The following FAM186A variants were observed in gnomAD, a reference collection of about 807,000 sequenced individuals.
The protein encoded by FAM186A is protein FAM186A.
In FAM186A, 163 loss-of-function variants were observed where a neutral mutation model predicts 216.8. The ratio of observed to expected loss-of-function variants is 0.75; its 90% CI spans 0.66 to 0.86. The LOEUF (loss-of-function observed/expected upper bound fraction) is 0.86, where lower values mean the gene tolerates loss of function less well. Among genes scored for constraint, FAM186A ranks in the 40% least tolerant of loss-of-function variants. The pLI is 0.00. For missense variants in FAM186A, 2,184 were observed against 2,746.2 expected, an observed-to-expected ratio of 0.80 and a Z score of 4.58; for synonymous variants, 805 against 1,025.3, an observed-to-expected ratio of 0.79 and a Z score of 4.10.
At chr12:50,358,650 C>T (rs748267571) in intron 3 of FAM186A, among the ~76,000 whole-genome samples, 13 of 151,014 alleles carry the variant, frequency 8.6e-5, no homozygotes, top group Non-Finnish European at 1.5e-4. Flanking sequence ...CTCGGCCAGG[C>T]GCAGTGGCTC....
intron 1 of FAM186A, among the ~76,000 whole-genome samples, chr12:50,373,002 A>G (rs12423782): frequency 0.25 from 8,893 of 35,110 alleles, 1,537 homozygotes; most frequent in Middle Eastern, 0.3. Flanking sequence ...AAGGAATGAA[A>G]GAAAGAAAGA....
intron 4 of FAM186A, among the ~76,000 whole-genome samples, chr12:50,347,914 T>G (rs999216977): frequency 2.6e-5 from 4 of 152,096 alleles, no homozygotes; most frequent in Non-Finnish European, 5.9e-5. Context: ...GTTTTTTTGT[T>G]GTTTTTTTGA....
At position 50,356,062 on chromosome 12, in the gene FAM186A, G is replaced by A. The variant is rs1565887643; in HGVS notation, c.770C>T (p.Ala257Val). ...TATTGTTGATGATATATATTTAATA[G>A]CATTGTTTTCCAATGTACTGAACAT... is the stretch of plus-strand genomic sequence containing the variant. ...TTMFSTLENN[A>V]IKYISSTIVN... Residue 257 changes from alanine to valine, a missense_variant, in exon 4 of 8, where the codon GCT (alanine) becomes GTT (valine). Ala to Val is a moderately conservative substitution (Grantham distance 64). Around this residue, in one of 7 missense-constraint regions of FAM186A, gnomAD observed 1,132 missense variants for 1,263.4 expected, o/e 0.90. Transcript: ENST00000327337. 6.4e-7 allele frequency: 1 copy of A among 1,551,568 alleles called. No homozygotes were observed. Among genetic ancestry groups the A allele is most frequent in the African/African-American group, 1.4e-5 (1 of 73,166 alleles).
intron 4 of FAM186A, among the ~76,000 whole-genome samples, chr12:50,342,163 C>T (rs1269731115): frequency 1.3e-5 from 2 of 151,062 alleles, no homozygotes; most frequent in Non-Finnish European, 3.0e-5. Context: ...GGCATGGCGG[C>T]GGCGTGCCTG....
intron 1 of FAM186A, among the ~76,000 whole-genome samples, chr12:50,376,450 G>C (rs917484061): frequency 1.3e-5 from 2 of 152,142 alleles, no homozygotes; most frequent in Non-Finnish European, 1.5e-5. Context: ...ACTTGAAGTG[G>C]GTAGCTGCTA....
intron 1 of FAM186A, among the ~76,000 whole-genome samples, chr12:50,385,417 CAAAAAA>C (rs1281395536): frequency 1.9e-5 from 1 of 51,848 alleles, no homozygotes; most frequent in South Asian, 6.9e-4. Context: ...GACTCTGTCT[CAAAAAA>C]AAAAAAAAAA....
At chr12:50,363,543 C>T (rs1349874973) in intron 1 of FAM186A, among the ~76,000 whole-genome samples, 179 bp from the exon 2 acceptor site, 1 of 151,900 alleles carries the variant, frequency 6.6e-6, no homozygotes, top group Non-Finnish European at 1.5e-5. Context: ...CTTTTTCTGC[C>T]TTCATCATCC....
At chr12:50,365,782 T>C in intron 1 of FAM186A, 1 of 756,336 alleles carries the variant, frequency 1.3e-6, no homozygotes, top group Non-Finnish European at 2.4e-6. Flanking sequence ...AAGTACAACA[T>C]GTGATCCGTG....
At chr12:50,331,324 C>G (rs570426915) in intron 6 of FAM186A, among the ~76,000 whole-genome samples, 1 of 152,210 alleles carries the variant, frequency 6.6e-6, no homozygotes, top group Non-Finnish European at 1.5e-5. Flanking sequence ...ACCGCAACCT[C>G]TGCCACCCAG....
intron 1 of FAM186A, among the ~76,000 whole-genome samples, chr12:50,391,321 T>C (rs574333760): frequency 6.6e-6 from 1 of 150,430 alleles, no homozygotes; most frequent in Non-Finnish European, 1.5e-5. Flanking sequence ...TTTTTATTTT[T>C]TATATATATT....
intron 1 of FAM186A, among the ~76,000 whole-genome samples, chr12:50,374,864 C>T (rs1229738173): frequency 6.6e-6 from 1 of 152,106 alleles, no homozygotes; most frequent in Admixed American, 6.6e-5. Context: ...AAAGTTTGTC[C>T]ATGTAAAAAC....
intron 6 of FAM186A, 39 bp from the exon 7 acceptor site, chr12:50,330,797 T>C: frequency 6.8e-7 from 1 of 1,477,752 alleles, no homozygotes; most frequent in Non-Finnish European, 9.0e-7. Context: ...CAAATTCTCC[T>C]GAGCTCCATA....
intron 4 of FAM186A, among the ~76,000 whole-genome samples, chr12:50,345,225 C>T (rs4768951): frequency 0.49 from 75,185 of 152,056 alleles, 22,119 homozygotes; most frequent in Non-Finnish European, 0.64. Context: ...TCCACAGTGG[C>T]TGAGCTAATT....
At chr12:50,362,400 G>T (rs1334671820) in intron 2 of FAM186A, among the ~76,000 whole-genome samples, 1 of 152,156 alleles carries the variant, frequency 6.6e-6, no homozygotes, top group Non-Finnish European at 1.5e-5. Flanking sequence ...AAAGGAGAGA[G>T]AGAAAAGGTT....
rs1170915910 is a variant in FAM186A at position 50,360,861 on chromosome 12, C to G, written c.478G>C (p.Glu160Gln). ...DEHHHWIAQM[E>Q]LLPDTLKAIE... is the part of the protein sequence containing the mutation. The stretch of plus-strand genomic sequence containing the variant: ...GCTTTTAACGTGTCCGGTAACAACT[C>G]CATTTGTGCTATCCAGTGGTGGTGT... The change falls in exon 3 of 8, where the codon GAG (glutamate) becomes CAG (glutamine). Residue 160 changes from glutamate to glutamine, a missense_variant. Around this residue, in one of 7 missense-constraint regions of FAM186A, gnomAD observed 1,132 missense variants for 1,263.4 expected, o/e 0.90. Coordinates refer to ENST00000327337, the MANE Select transcript of FAM186A (RefSeq NM_001145475.3). 6.4e-7 allele frequency: 1 copy of G among 1,551,232 alleles called. No individual in the cohort carries two copies. The highest frequency in any genetic ancestry group is 2.0e-5 in the Admixed American group (1 of 50,964).
At chr12:50,338,481 A>G (rs10783351) in intron 4 of FAM186A, among the ~76,000 whole-genome samples, 137,970 of 152,220 alleles carry the variant, frequency 0.91, 63,193 homozygotes, top group Non-Finnish European at 0.98. Context: ...GATTACAGGC[A>G]TGAGCTACCA....
Position 50,352,159 on chromosome 12 carries a change from G to A in FAM186A, c.4673C>T (p.Pro1558Leu), listed in dbSNP as rs35116763. Residue 1558 changes from proline (P) to leucine (L), a missense_variant, in exon 4 of 8, where the codon CCG becomes CTG. Transcript: ENST00000327337. Reference sequence around the variant, plus strand: ...AGGGATCTCCAATTCCTGAGCCTGCGGAGGGATGAGAGGGATCCCCAGGGC... The same window carrying A: ...AGGGATCTCCAATTCCTGAGCCTGCAGAGGGATGAGAGGGATCCCCAGGGC... ...VQALGIPLIP[P>L]QAQELEIPLT... 94 of 1,397,174 alleles carry A rather than the reference G, an allele frequency of 6.7e-5. No individual in the cohort carries two copies. The highest frequency in any genetic ancestry group is 5.2e-5 in the Non-Finnish European group (55 of 1,064,408). The allele number at this position is 1,397,174 out of a possible 1,614,324, so 86.5% of individuals were successfully genotyped here.
At chr12:50,357,622 T>C (rs2136095290) in intron 3 of FAM186A, among the ~76,000 whole-genome samples, 1 of 151,990 alleles carries the variant, frequency 6.6e-6, no homozygotes, top group East Asian at 1.9e-4. Context: ...CCAAAACAAC[T>C]ATTTTAGGAC....
At chr12:50,333,329 C>T (rs1169599925) in intron 5 of FAM186A, among the ~76,000 whole-genome samples, 1 of 151,872 alleles carries the variant, frequency 6.6e-6, no homozygotes, top group Non-Finnish European at 1.5e-5. Context: ...GTCAGGAATT[C>T]GAAACCAGCC....
Sources: allele counts gnomAD v4.1 joint callset (sites outside exome capture counted in the v4.1 genomes callset), GRCh38; gene constraint gnomAD v4.1.1; regional missense constraint gnomAD v4.1.1; transcripts MANE v1.5; gene names NCBI Gene and HGNC (gene_info 2026-07-23, HGNC 2026-07-21).